SLC9B1: variants seen among roughly 807,000 people sequenced by gnomAD.
The protein encoded by SLC9B1 is solute carrier family 9 member B1.
SLC9B1 carries 32 observed loss-of-function variants against 51.7 expected under a neutral mutation model. The observed-to-expected ratio is 0.62, with a 90% CI of 0.47 to 0.83. The LOEUF (loss-of-function observed/expected upper bound fraction) is 0.83, where lower values mean the gene tolerates loss of function less well. Ranked by LOEUF, SLC9B1 falls within the 40% of genes least tolerant of loss-of-function variation. SLC9B1 has a pLI of 0.00. For missense variants in SLC9B1, 406 were observed against 613.2 expected (o/e 0.66, Z 3.57); for synonymous variants, 145 against 212.7 (o/e 0.68, Z 2.77).
intron 3 of SLC9B1, among the ~76,000 whole-genome samples, chr4:102,976,279 G>A (rs1216138100): frequency 2.0e-5 from 3 of 152,112 alleles, no homozygotes; most frequent in South Asian, 2.1e-4. Flanking sequence ...ACTAGCCTAC[G>A]TAATATTCTA....
intron 7 of SLC9B1, among the ~76,000 whole-genome samples, chr4:102,926,053 A>G (rs937086579): frequency 2.0e-5 from 3 of 152,412 alleles, no homozygotes; most frequent in South Asian, 4.1e-4. Flanking sequence ...ACACTCCTTC[A>G]TGCTAAAAAC....
intron 1 of SLC9B1, among the ~76,000 whole-genome samples, chr4:103,012,828 T>C (rs769305028): frequency 3.3e-5 from 5 of 152,182 alleles, no homozygotes; most frequent in Non-Finnish European, 7.3e-5. Flanking sequence ...TGTCCTCACA[T>C]GGTGGAAGGC....
intron 1 of SLC9B1, among the ~76,000 whole-genome samples, chr4:103,008,229 CTTA>C (rs1174282231): frequency 6.6e-6 from 1 of 152,134 alleles, no homozygotes; most frequent in Non-Finnish European, 1.5e-5. Context: ...GTATTTAAAA[CTTA>C]TTAGAAGTCT....
chr4:102,918,068 C>CA (rs1196562612), intron 7 of SLC9B1, among the ~76,000 whole-genome samples: 338 of 17,384 alleles, frequency 0.019, 10 homozygotes, highest in Non-Finnish European at 0.031. Context: ...AACTCCATCT[C>CA]AAAAAAAAAA....
At chr4:102,954,044 T>C (rs1737651795) in intron 3 of SLC9B1, among the ~76,000 whole-genome samples, 1 of 46,604 alleles carries the variant, frequency 2.1e-5, no homozygotes, top group Non-Finnish European at 3.5e-5. Context: ...ATCCCTGTCT[T>C]GTGCTGGTTT....
At chr4:102,921,148 G>A (rs1236195210) in intron 7 of SLC9B1, among the ~76,000 whole-genome samples, 2 of 152,172 alleles carry the variant, frequency 1.3e-5, no homozygotes, top group East Asian at 3.8e-4. Context: ...AAAGTGTTAA[G>A]GGCACCCAGA....
At position 102,959,521 on chromosome 4, in the gene SLC9B1, G is replaced by A. The variant is rs1178695785; in HGVS notation, c.212-10094C>T. Among the ~76,000 whole-genome samples, 6 of 149,854 alleles carry A rather than the reference G, an allele frequency of 4.0e-5. No homozygotes were observed. In the East Asian group the frequency reaches 9.9e-4, roughly 25 times the overall value. ...CTGGTTATAGAATTTTTGACATTTT[G>A]AGGAAAGATATTTTTTAGGATATAT... On this transcript the variant is annotated intron_variant, in intron 3 of 11. Transcript: ENST00000296422.
intron 3 of SLC9B1, among the ~76,000 whole-genome samples, chr4:102,975,986 G>A (rs1739050323): frequency 6.6e-6 from 1 of 152,094 alleles, no homozygotes; most frequent in Non-Finnish European, 1.5e-5. Context: ...AGTCCTGAGT[G>A]ATATTTGGTA....
At position 102,994,120 on chromosome 4, in the gene SLC9B1, G is replaced by A. The variant is rs1024437521; in HGVS notation, c.-1-2408C>T. Among the ~76,000 whole-genome samples the A allele has an allele frequency of 3.9e-5, 6 of 152,242 alleles. No homozygotes were observed. The Middle Eastern group carries it at 0.01, about 259-fold the overall frequency. ...ATTACTTATGCAAATTTCTGCAGCA[G>A]GCTTGAAATTCTACCCCCTTCCCCA... On this transcript the variant is annotated intron_variant, in intron 1 of 11. Coordinates refer to ENST00000296422, the MANE Select transcript of SLC9B1 (RefSeq NM_139173.4).
chr4:102,939,404 G>GT (rs1380689064), intron 6 of SLC9B1, among the ~76,000 whole-genome samples: 1 of 65,522 alleles, frequency 1.5e-5, no homozygotes, highest in African/African-American at 7.6e-5. Flanking sequence ...AAGTCTCTGA[G>GT]CCAAAAAAAA....
intron 3 of SLC9B1, 70 bp downstream of exon 3, chr4:102,989,730 G>T: frequency 1.8e-6 from 2 of 1,104,868 alleles, no homozygotes; most frequent in Non-Finnish European, 2.5e-6. Flanking sequence ...TGTCTTTGTT[G>T]TCTCATGTTT....
exon 12 of SLC9B1, chr4:102,885,135 A>T: frequency 9.2e-7 from 1 of 1,092,666 alleles, no homozygotes; most frequent in Non-Finnish European, 1.4e-6. Flanking sequence ...AACAAAGAAT[A>T]AGCTCAAGGA....
intron 1 of SLC9B1, among the ~76,000 whole-genome samples, chr4:103,012,418 C>G (rs1741129177): frequency 6.6e-6 from 1 of 152,194 alleles, no homozygotes; most frequent in Non-Finnish European, 1.5e-5. Context: ...CTTAGATAAT[C>G]TCTAAGAACA....
intron 11 of SLC9B1, chr4:102,888,114 G>A (rs926454612): frequency 6.6e-6 from 1 of 151,776 alleles, no homozygotes; most frequent in African/African-American, 2.4e-5. Flanking sequence ...CAGCTGGGGT[G>A]GAATGGCAAG....
chr4:102,948,528 CAT>C (rs1737384288), intron 4 of SLC9B1, among the ~76,000 whole-genome samples: 1 of 152,234 alleles, frequency 6.6e-6, no homozygotes, highest in South Asian at 2.1e-4. Flanking sequence ...CATATACACA[CAT>C]ATGTTCATTG....
downstream of SLC9B1, among the ~76,000 whole-genome samples, chr4:102,900,696 T>C (rs909150044): frequency 2.0e-5 from 3 of 152,178 alleles, no homozygotes; most frequent in Admixed American, 6.5e-5. Context: ...GGTGATCTTT[T>C]TAACTGAATT....
chr4:102,962,159 G>A lies in SLC9B1; in HGVS notation c.212-12732C>T, dbSNP rs191472220. 1,745 of 478,974 alleles carry A rather than the reference G, an allele frequency of 3.6e-3. 4 individuals are homozygous for A. The highest frequency in any genetic ancestry group is 7.5e-3 in the Admixed American group (340 of 45,354). The allele number at this position is 478,974 out of a possible 1,614,324, so 29.7% of individuals were successfully genotyped here. A position where few individuals can be genotyped will look rare whatever the true frequency, so the allele number is the denominator to read the frequency against. ...TGAGCTTGGCTATGCAGGCAACACT[G>A]AGCCATAGTTTACTATTCTTTCTTG... On this transcript the variant is annotated intron_variant, in intron 3 of 11. Coordinates refer to ENST00000296422, the MANE Select transcript of SLC9B1 (RefSeq NM_139173.4).
intron 7 of SLC9B1, among the ~76,000 whole-genome samples, chr4:102,914,044 T>C (rs1477335866): frequency 6.6e-6 from 1 of 152,000 alleles, no homozygotes; most frequent in East Asian, 1.9e-4. Flanking sequence ...TCAGTCTCCC[T>C]GAGCATTCGG....
intron 6 of SLC9B1, among the ~76,000 whole-genome samples, chr4:102,937,086 G>A (rs1217923402): frequency 1.3e-5 from 2 of 151,966 alleles, no homozygotes; most frequent in Non-Finnish European, 2.9e-5. Context: ...AAAGAAATTG[G>A]GGGCCTATAT....
Sources: allele counts gnomAD v4.1 joint callset (sites outside exome capture counted in the v4.1 genomes callset), GRCh38; gene constraint gnomAD v4.1.1; transcripts MANE v1.5; gene names NCBI Gene and HGNC (gene_info 2026-07-23, HGNC 2026-07-21).